The following DCC variants were observed in gnomAD, a reference collection of about 807,000 sequenced individuals.
DCC encodes netrin receptor DCC.
DCC carries 58 observed loss-of-function variants against 172.5 expected under a neutral mutation model. That is an observed-to-expected ratio of 0.34 (90% CI 0.27 to 0.42). The LOEUF is 0.42. Among genes scored for constraint, DCC ranks in the 10% least tolerant of loss-of-function variants. The pLI is 1.00. For missense variants in DCC, 1,740 were observed against 1,791.0 expected, an observed-to-expected ratio of 0.97 and a Z score of 0.51; for synonymous variants, 709 against 644.5, an observed-to-expected ratio of 1.10 and a Z score of -1.52.
chr18:52,964,721 A>G (rs950373044), intron 5 of DCC, among the ~76,000 whole-genome samples: 12 of 152,164 alleles, frequency 7.9e-5, no homozygotes, highest in Non-Finnish European at 1.6e-4. Context: ...GTTTTAAAAA[A>G]ATTACCACAA....
intron 7 of DCC, among the ~76,000 whole-genome samples, chr18:53,076,526 G>C (rs1012637732): frequency 6.6e-6 from 1 of 152,118 alleles, no homozygotes; most frequent in African/African-American, 2.4e-5. Flanking sequence ...TATGTGATAG[G>C]ATTAGTAGAT....
intron 1 of DCC, among the ~76,000 whole-genome samples, chr18:52,464,794 A>C (rs1451301964): frequency 4.0e-5 from 6 of 151,684 alleles, no homozygotes; most frequent in African/African-American, 7.3e-5. Flanking sequence ...CATTTATTAT[A>C]CTTACATTTG....
chr18:52,490,193 C>T (rs1145244), intron 1 of DCC, among the ~76,000 whole-genome samples: 7 of 152,004 alleles, frequency 4.6e-5, no homozygotes, highest in Admixed American at 1.3e-4. Context: ...TACTAATAGA[C>T]CTGGCAATTT....
chr18:52,644,214 A>G (rs1173676286), intron 1 of DCC, among the ~76,000 whole-genome samples: 3 of 152,192 alleles, frequency 2.0e-5, no homozygotes, highest in Admixed American at 6.5e-5. Flanking sequence ...GGCTGCATCA[A>G]TATCAATTCC....
intron 12 of DCC, among the ~76,000 whole-genome samples, chr18:53,289,723 A>G (rs1418974717): frequency 7.9e-5 from 12 of 152,156 alleles, no homozygotes; most frequent in Admixed American, 7.9e-4. Context: ...CAGCCATGTA[A>G]TTTTGAGACT....
chr18:53,377,989 A>G (rs1426408000), intron 15 of DCC, among the ~76,000 whole-genome samples: 1 of 152,012 alleles, frequency 6.6e-6, no homozygotes, highest in East Asian at 1.9e-4. Flanking sequence ...TTTTTTTAAG[A>G]CGGGGTCTGG....
chr18:53,001,963 A>G (rs1327032914), intron 5 of DCC, among the ~76,000 whole-genome samples: 1 of 152,118 alleles, frequency 6.6e-6, no homozygotes, highest in Non-Finnish European at 1.5e-5. Context: ...CCCATGAAAA[A>G]CACAATAAAA....
intron 12 of DCC, among the ~76,000 whole-genome samples, chr18:53,284,416 C>A (rs568628693): frequency 1.3e-5 from 2 of 152,112 alleles, no homozygotes; most frequent in South Asian, 2.1e-4. Flanking sequence ...ATAGTGAGTA[C>A]GTCTCATGAG....
At chr18:52,739,556 G>A (rs946368000) in intron 1 of DCC, among the ~76,000 whole-genome samples, 3 of 152,176 alleles carry the variant, frequency 2.0e-5, no homozygotes, top group African/African-American at 7.2e-5. Context: ...ACTTCTGAGA[G>A]CTGAGTCTGT....
chr18:52,705,754 T>G (rs998777182), intron 1 of DCC, among the ~76,000 whole-genome samples: 2 of 152,134 alleles, frequency 1.3e-5, no homozygotes, highest in Non-Finnish European at 2.9e-5. Context: ...CAAATATAGG[T>G]AAAGCGTCAA....
At chr18:53,178,899 T>C in intron 8 of DCC, 63 bp from the exon 9 acceptor site, 1 of 1,590,110 alleles carries the variant, frequency 6.3e-7, no homozygotes, top group South Asian at 1.1e-5. Flanking sequence ...GCACATCAAA[T>C]ACAGATTTTG....
At chr18:53,062,019 G>A (rs1431947414) in intron 5 of DCC, among the ~76,000 whole-genome samples, 2 of 151,820 alleles carry the variant, frequency 1.3e-5, no homozygotes, top group Admixed American at 6.6e-5. Context: ...GATATCTTTT[G>A]GTTTATTGTC....
intron 1 of DCC, among the ~76,000 whole-genome samples, chr18:52,715,933 G>T (rs2036373543): frequency 6.6e-6 from 1 of 151,990 alleles, no homozygotes; most frequent in East Asian, 1.9e-4. Context: ...GTGAACTCAG[G>T]TTAGGCCTGA....
At chr18:53,386,174 T>G (rs542536953) in intron 16 of DCC, 36 bp downstream of exon 16, 1 of 1,334,674 alleles carries the variant, frequency 7.5e-7, no homozygotes, top group Non-Finnish European at 1.1e-6. Context: ...TGACAAAGTA[T>G]ATTTGATTTA....
At chr18:53,327,487 C>T (rs1477911548) in intron 14 of DCC, among the ~76,000 whole-genome samples, 1 of 151,524 alleles carries the variant, frequency 6.6e-6, no homozygotes, top group Non-Finnish European at 1.5e-5. Context: ...GTGAAAATTG[C>T]TATACGCTAT....
intron 5 of DCC, among the ~76,000 whole-genome samples, chr18:53,058,983 G>C (rs1472899737): frequency 6.6e-6 from 1 of 152,034 alleles, no homozygotes; most frequent in Admixed American, 6.6e-5. Flanking sequence ...AAAGGAAAGA[G>C]GTTTAATTGA....
intron 5 of DCC, among the ~76,000 whole-genome samples, chr18:53,056,321 C>T (rs1353519551): frequency 6.6e-6 from 1 of 152,068 alleles, no homozygotes; most frequent in Admixed American, 6.6e-5. Context: ...CCCTATGATC[C>T]AGTCATCTCC....
intron 1 of DCC, among the ~76,000 whole-genome samples, chr18:52,384,413 T>A (rs1248164789): frequency 6.6e-6 from 1 of 152,184 alleles, no homozygotes; most frequent in Non-Finnish European, 1.5e-5. Flanking sequence ...CATTCATGAA[T>A]GAGTGATGTC....
chr18:53,094,020 C>T (rs1376397701), intron 7 of DCC, among the ~76,000 whole-genome samples: 1 of 152,080 alleles, frequency 6.6e-6, no homozygotes, highest in African/African-American at 2.4e-5. Context: ...AAAGTCGTCA[C>T]CCACAGAATT....
Sources: allele counts gnomAD v4.1 joint callset (sites outside exome capture counted in the v4.1 genomes callset), GRCh38; gene constraint gnomAD v4.1.1; transcripts MANE v1.5; gene names NCBI Gene and HGNC (gene_info 2026-07-23, HGNC 2026-07-21).